SETD3: variants seen among roughly 807,000 people sequenced by gnomAD.
The protein encoded by SETD3 is SET domain containing 3, actin N3(tau)-histidine methyltransferase.
Under a neutral mutation model 63.0 loss-of-function variants are expected in SETD3, and 19 were observed. The observed-to-expected ratio is 0.30, with a 90% CI of 0.21 to 0.44. SETD3 has a LOEUF of 0.44. Ranked by LOEUF, SETD3 falls within the 20% of genes least tolerant of loss-of-function variation. The pLI, the probability that SETD3 is intolerant of heterozygous loss-of-function variation, is 1.00. For synonymous variants in SETD3, 286 were observed against 264.1 expected (o/e 1.08, Z -0.80); for missense variants, 587 against 728.5 (o/e 0.81, Z 2.24).
At chr14:99,424,378 C>G (rs1892763376) in intron 6 of SETD3, among the ~76,000 whole-genome samples, 1 of 151,996 alleles carries the variant, frequency 6.6e-6, no homozygotes, top group Non-Finnish European at 1.5e-5. Context: ...GGGGACTGGG[C>G]AGGGAAAGAA....
At chr14:99,430,797 C>T (rs938379649) in intron 6 of SETD3, among the ~76,000 whole-genome samples, 2 of 152,212 alleles carry the variant, frequency 1.3e-5, no homozygotes, top group Non-Finnish European at 2.9e-5. Flanking sequence ...TGCCCACCTG[C>T]CCACAAAGGG....
At chr14:99,415,258 G>A (rs1221461127) in intron 6 of SETD3, among the ~76,000 whole-genome samples, 1 of 152,108 alleles carries the variant, frequency 6.6e-6, no homozygotes, top group African/African-American at 2.4e-5. Context: ...TTAAACTGTA[G>A]AATTAAACTG....
intron 6 of SETD3, among the ~76,000 whole-genome samples, chr14:99,447,831 C>T (rs990916446): frequency 2.6e-5 from 4 of 152,128 alleles, no homozygotes; most frequent in African/African-American, 7.2e-5. Flanking sequence ...CCTCTAAGAA[C>T]GAGTATCTTT....
intron 6 of SETD3, among the ~76,000 whole-genome samples, chr14:99,426,786 A>C (rs1892905441): frequency 1.3e-5 from 2 of 152,182 alleles, no homozygotes; most frequent in Non-Finnish European, 2.9e-5. Flanking sequence ...AATTCACACC[A>C]GAACGGCCTG....
chr14:99,481,736 G>A, upstream of SETD3: 1 of 367,128 alleles, frequency 2.7e-6, no homozygotes, highest in Non-Finnish European at 4.8e-6. Flanking sequence ...CCCTCGCACT[G>A]GGGGGCAGTC....
At chr14:99,455,476 A>T (rs1298740509) in intron 6 of SETD3, among the ~76,000 whole-genome samples, 1 of 152,178 alleles carries the variant, frequency 6.6e-6, no homozygotes, top group African/African-American at 2.4e-5. Flanking sequence ...TAGGTTCTTA[A>T]AAAGAAGGGG....
At chr14:99,435,863 G>C (rs1595199778) in intron 6 of SETD3, among the ~76,000 whole-genome samples, 1 of 151,866 alleles carries the variant, frequency 6.6e-6, no homozygotes. Flanking sequence ...CCAATGTCTG[G>C]TCATCGGTCT....
At chr14:99,484,334 A>G (rs527849882), upstream of SETD3, among the ~76,000 whole-genome samples, 4 of 152,364 alleles carry the variant, frequency 2.6e-5, 1 homozygote, top group African/African-American at 7.2e-5. Context: ...CACAATGGAC[A>G]TGTTACTGCA....
intron 2 of SETD3, 111 bp from the exon 3 acceptor site, chr14:99,463,689 AT>A (rs1566730377): frequency 2.4e-6 from 2 of 829,292 alleles, no homozygotes; most frequent in South Asian, 1.6e-5. Context: ...GGGTTGGTTT[AT>A]TTTTAAAAGA....
chr14:99,412,316 C>T (rs906578781), intron 8 of SETD3: 1 of 153,024 alleles, frequency 6.5e-6, no homozygotes, highest in Non-Finnish European at 1.5e-5. Context: ...ACAACTTCCT[C>T]CTCCCCAGGC....
At chr14:99,423,583 T>A (rs1427280117) in intron 6 of SETD3, among the ~76,000 whole-genome samples, 1 of 38,300 alleles carries the variant, frequency 2.6e-5, no homozygotes, top group African/African-American at 1.0e-4. Flanking sequence ...TTAAGCACTG[T>A]TATGCAAAAA....
chr14:99,418,736 C>CA (rs1330623696), intron 6 of SETD3, among the ~76,000 whole-genome samples: 1 of 152,080 alleles, frequency 6.6e-6, no homozygotes, highest in Non-Finnish European at 1.5e-5. Flanking sequence ...CTGCACCAAT[C>CA]AGAGAGAGAA....
intron 2 of SETD3, among the ~76,000 whole-genome samples, chr14:99,465,360 G>A (rs183412917): frequency 6.6e-6 from 1 of 152,202 alleles, no homozygotes; most frequent in Non-Finnish European, 1.5e-5. Flanking sequence ...CTGAGTTTCG[G>A]AAGGGTTCAG....
At chr14:99,459,559 C>A (rs902755036) in intron 4 of SETD3, among the ~76,000 whole-genome samples, 10 of 152,162 alleles carry the variant, frequency 6.6e-5, no homozygotes, top group Non-Finnish European at 1.5e-4. Flanking sequence ...AAACAAAATT[C>A]CTGCCTCCAA....
chr14:99,471,741 C>T lies in SETD3; in HGVS notation c.-8-5928G>A, dbSNP rs1473303156. Among the ~76,000 whole-genome samples, 9 of 152,296 alleles carry T rather than the reference C, an allele frequency of 5.9e-5. No individual in the cohort carries two copies. The East Asian group carries it at 1.7e-3, about 29-fold the overall frequency. The stretch of plus-strand genomic sequence containing the variant: ...ATTTAATAAGAGAGACTCTGAAAAA[C>T]ACACTGGAATTTTTAAAGCATTATT... On this transcript the variant is annotated intron_variant, in intron 1 of 12. Coordinates refer to ENST00000331768, the MANE Select transcript of SETD3 (RefSeq NM_032233.3).
chr14:99,434,874 A>C (rs900220352), intron 6 of SETD3, among the ~76,000 whole-genome samples: 2 of 150,430 alleles, frequency 1.3e-5, no homozygotes, highest in Non-Finnish European at 3.0e-5. Flanking sequence ...AAAAAAAAAA[A>C]AACAACCTAC....
At chr14:99,468,000 G>T (rs74932701) in intron 1 of SETD3, among the ~76,000 whole-genome samples, 1 of 151,882 alleles carries the variant, frequency 6.6e-6, no homozygotes, top group Non-Finnish European at 1.5e-5. Context: ...GATCTTCCTC[G>T]CACTTTAAGC....
At chr14:99,421,687 A>G (rs1892605968) in intron 6 of SETD3, among the ~76,000 whole-genome samples, 1 of 152,162 alleles carries the variant, frequency 6.6e-6, no homozygotes, top group South Asian at 2.1e-4. Context: ...CTCTATGTGC[A>G]TATAATTTAA....
At chr14:99,420,481 G>T (rs186450873) in intron 6 of SETD3, among the ~76,000 whole-genome samples, 64 of 152,270 alleles carry the variant, frequency 4.2e-4, no homozygotes, top group African/African-American at 1.5e-3. Context: ...CAAAGGTGCT[G>T]CTGAGAGGCT....
Sources: allele counts gnomAD v4.1 joint callset (sites outside exome capture counted in the v4.1 genomes callset), GRCh38; gene constraint gnomAD v4.1.1; transcripts MANE v1.5; gene names NCBI Gene and HGNC (gene_info 2026-07-23, HGNC 2026-07-21).